The following NKAIN2 variants were observed in gnomAD, a reference collection of about 807,000 sequenced individuals.
NKAIN2 encodes sodium/potassium-transporting ATPase subunit beta-1-interacting protein 2.
NKAIN2 carries 14 observed loss-of-function variants against 32.6 expected under a neutral mutation model. The ratio of observed to expected loss-of-function variants is 0.43; its 90% CI spans 0.28 to 0.67. The LOEUF (loss-of-function observed/expected upper bound fraction) is 0.67. NKAIN2 is among the 30% of genes least tolerant of loss of function. The pLI is 0.17. For missense variants in NKAIN2, 198 were observed against 258.3 expected (o/e 0.77, Z 1.60); for synonymous variants, 80 against 87.2 (o/e 0.92, Z 0.46).
chr6:124,768,356 A>G (rs1778601441), intron 4 of NKAIN2, among the ~76,000 whole-genome samples: 2 of 152,202 alleles, frequency 1.3e-5, no homozygotes, highest in African/African-American at 2.4e-5. Context: ...ATGTGGAAAT[A>G]TAATGAATTT....
At chr6:124,367,269 A>G (rs1247310023) in intron 3 of NKAIN2, among the ~76,000 whole-genome samples, 3 of 152,176 alleles carry the variant, frequency 2.0e-5, no homozygotes, top group South Asian at 2.1e-4. Flanking sequence ...TCAATGTTGG[A>G]ATCATGTTTT....
chr6:124,220,473 C>A (rs1421314150), intron 1 of NKAIN2, among the ~76,000 whole-genome samples: 1 of 150,864 alleles, frequency 6.6e-6, no homozygotes, highest in African/African-American at 2.4e-5. Context: ...TTTTTTGGGG[C>A]CATTTAAGTT....
intron 4 of NKAIN2, among the ~76,000 whole-genome samples, chr6:124,680,496 C>T (rs540729715): frequency 4.6e-5 from 7 of 152,082 alleles, no homozygotes; most frequent in Non-Finnish European, 8.8e-5. Context: ...TTACAGTCCA[C>T]CTAGGAACTG....
chr6:123,870,793 G>A (rs539329830), intron 1 of NKAIN2, among the ~76,000 whole-genome samples: 1 of 152,244 alleles, frequency 6.6e-6, no homozygotes, highest in Non-Finnish European at 1.5e-5. Context: ...AATACATGTT[G>A]AGTGCTTAAG....
intron 3 of NKAIN2, among the ~76,000 whole-genome samples, chr6:124,394,618 G>A (rs767120656): frequency 7.0e-5 from 10 of 142,802 alleles, no homozygotes; most frequent in Non-Finnish European, 1.1e-4. Context: ...TCAAGACTAA[G>A]AAGAGCCAGT....
chr6:124,295,279 C>T (rs1795999485), intron 2 of NKAIN2, among the ~76,000 whole-genome samples: 1 of 146,384 alleles, frequency 6.8e-6, no homozygotes, highest in Admixed American at 6.8e-5. Context: ...ACCTTTGTGT[C>T]GTTTTCCTTC....
intron 1 of NKAIN2, among the ~76,000 whole-genome samples, chr6:123,877,242 A>G (rs1773210617): frequency 6.6e-6 from 1 of 152,166 alleles, no homozygotes. Flanking sequence ...GTGCATATTA[A>G]GATTTATTAA....
At chr6:124,133,999 C>G in intron 1 of NKAIN2, among the ~76,000 whole-genome samples, 1 of 151,998 alleles carries the variant, frequency 6.6e-6, no homozygotes, top group South Asian at 2.1e-4. Context: ...AAAGATCACA[C>G]TATCTCCCCA....
chr6:123,938,481 A>G (rs1340555340), intron 1 of NKAIN2, among the ~76,000 whole-genome samples: 2 of 134,328 alleles, frequency 1.5e-5, no homozygotes, highest in Non-Finnish European at 3.2e-5. Context: ...TATTATACAT[A>G]ATATATAATA....
chr6:124,140,560 C>A (rs1212270812), intron 1 of NKAIN2, among the ~76,000 whole-genome samples: 1 of 152,072 alleles, frequency 6.6e-6, no homozygotes, highest in African/African-American at 2.4e-5. Flanking sequence ...ATGCACAGAA[C>A]ATTTGAGAAT....
chr6:124,068,676 T>C (rs772735323), intron 1 of NKAIN2, among the ~76,000 whole-genome samples: 1 of 152,040 alleles, frequency 6.6e-6, no homozygotes, highest in Non-Finnish European at 1.5e-5. Context: ...CAGTGTTGAA[T>C]AATCTTTTTC....
At chr6:124,229,501 C>CAGACAGATAGATAGAT (rs1554269615) in intron 1 of NKAIN2, among the ~76,000 whole-genome samples, 53 of 142,868 alleles carry the variant, frequency 3.7e-4, no homozygotes, top group Non-Finnish European at 4.6e-4. Context: ...GATAGATAGA[C>CAGACAGATAGATAGAT]AGATAGATAG....
intron 4 of NKAIN2, among the ~76,000 whole-genome samples, chr6:124,696,045 G>A (rs890057749): frequency 2.0e-5 from 3 of 152,144 alleles, no homozygotes; most frequent in African/African-American, 7.2e-5. Context: ...GACTGAGAGG[G>A]CAAACTCATC....
intron 3 of NKAIN2, among the ~76,000 whole-genome samples, chr6:124,429,339 C>T (rs780435554): frequency 1.1e-4 from 16 of 152,082 alleles, no homozygotes; most frequent in Non-Finnish European, 2.1e-4. Flanking sequence ...TGAGCCACTG[C>T]GCCTGGCCCA....
At chr6:124,822,298 G>C (rs1202822984) in intron 6 of NKAIN2, among the ~76,000 whole-genome samples, 1 of 152,120 alleles carries the variant, frequency 6.6e-6, no homozygotes, top group Non-Finnish European at 1.5e-5. Flanking sequence ...TTATCATTTA[G>C]AGTGTACCTT....
chr6:124,127,627 G>A (rs1786241523), intron 1 of NKAIN2, among the ~76,000 whole-genome samples: 1 of 152,184 alleles, frequency 6.6e-6, no homozygotes. Context: ...TTGGTGAGCA[G>A]AGGGGAAAAG....
At chr6:124,006,810 C>T (rs1780097490) in intron 1 of NKAIN2, among the ~76,000 whole-genome samples, 1 of 152,074 alleles carries the variant, frequency 6.6e-6, no homozygotes, top group Non-Finnish European at 1.5e-5. Flanking sequence ...ACTCTGGCTC[C>T]CTGAAAGAAG....
At position 124,305,818 on chromosome 6, in the gene NKAIN2, C is replaced by T. The variant is rs553329286; in HGVS notation, c.192+22676C>T. ...TTCAATATACTCATTGCCATTTTAG[C>T]AACCTCCTGGCCCTGCTGCTGCAAA... On this transcript the variant is annotated intron_variant, in intron 2 of 6. Transcript: ENST00000368417. 2.2e-4 allele frequency among the ~76,000 whole-genome samples: 33 copies of T among 152,262 alleles called. No homozygotes were observed. The East Asian group carries it at 5.0e-3, about 23-fold the overall frequency.
intron 3 of NKAIN2, among the ~76,000 whole-genome samples, chr6:124,413,090 G>A (rs1476767425): frequency 6.6e-6 from 1 of 152,102 alleles, no homozygotes; most frequent in African/African-American, 2.4e-5. Context: ...TCTTTGACTA[G>A]GAAAGGGAAT....
Sources: allele counts gnomAD v4.1 joint callset (sites outside exome capture counted in the v4.1 genomes callset), GRCh38; gene constraint gnomAD v4.1.1; transcripts MANE v1.5; gene names NCBI Gene and HGNC (gene_info 2026-07-23, HGNC 2026-07-21).